The following CEP192 variants were observed in gnomAD, a reference collection of about 807,000 sequenced individuals.
The protein encoded by CEP192 is centrosomal protein of 192 kDa.
Under a neutral mutation model 271.8 loss-of-function variants are expected in CEP192, and 151 were observed. The observed-to-expected ratio is 0.56, with a 90% CI of 0.49 to 0.64. CEP192 has a LOEUF of 0.64. CEP192 is among the 30% of genes least tolerant of loss of function. The probability of loss-of-function intolerance (pLI) is 0.00; values close to 1 mark genes in which losing one functional copy is unlikely to be tolerated. For missense variants in CEP192, 2,910 were observed against 3,020.5 expected, an observed-to-expected ratio of 0.96 and a Z score of 0.86; for synonymous variants, 995 against 1,076.5, an observed-to-expected ratio of 0.92 and a Z score of 1.48.
At chr18:13,116,020 C>T (rs1219564346) in intron 42 of CEP192, among the ~76,000 whole-genome samples, 2 of 152,318 alleles carry the variant, frequency 1.3e-5, no homozygotes, top group African/African-American at 4.8e-5. Flanking sequence ...ACACCTGCAT[C>T]AGGCACTTGG....
chr18:13,095,384 A>T, intron 34 of CEP192, 119 bp from the exon 35 acceptor site: 2 of 779,466 alleles, frequency 2.6e-6, no homozygotes, highest in Middle Eastern at 3.4e-4. Flanking sequence ...ACTTTGTCTT[A>T]ATGTTTTTAG....
chr18:13,007,890 C>T (rs768482784), intron 3 of CEP192, among the ~76,000 whole-genome samples: 3 of 152,286 alleles, frequency 2.0e-5, no homozygotes, highest in African/African-American at 4.8e-5. Flanking sequence ...CCTGAAGTTC[C>T]GTTCCCACCC....
At chr18:13,087,765 A>C (rs1397976981) in intron 32 of CEP192, 119 bp downstream of exon 32, 5 of 441,480 alleles carry the variant, frequency 1.1e-5, no homozygotes, top group Non-Finnish European at 2.0e-5. Flanking sequence ...CTGGTAGATG[A>C]AAAATCTTGG....
At chr18:13,094,133 G>A (rs692964) in intron 34 of CEP192, among the ~76,000 whole-genome samples, 109,029 of 152,084 alleles carry the variant, frequency 0.72, 40,609 homozygotes, top group African/African-American at 0.93. Flanking sequence ...GCAGTGTACA[G>A]TGCTGATTTG....
intron 19 of CEP192, 105 bp from the exon 20 acceptor site, chr18:13,057,480 G>A: frequency 7.7e-7 from 1 of 1,301,788 alleles, no homozygotes. Context: ...CTCTAGCTCT[G>A]TGTAAACAGG....
At chr18:13,004,679 T>A (rs2033869792) in intron 3 of CEP192, among the ~76,000 whole-genome samples, 1 of 152,108 alleles carries the variant, frequency 6.6e-6, no homozygotes, top group South Asian at 2.1e-4. Flanking sequence ...AATTATCACA[T>A]GGGACCACAG....
intron 44 of CEP192, among the ~76,000 whole-genome samples, chr18:13,121,716 G>T (rs2040668823): frequency 6.6e-6 from 1 of 152,128 alleles, no homozygotes; most frequent in Admixed American, 6.6e-5. Context: ...TCTAACCCCA[G>T]CTGAGGTGTT....
At chr18:13,050,575 CTT>C (rs1216786402) in intron 17 of CEP192, among the ~76,000 whole-genome samples, 1 of 144,464 alleles carries the variant, frequency 6.9e-6, no homozygotes, top group Admixed American at 6.9e-5. Context: ...TAGTTAATTG[CTT>C]TTTTTTTTTT....
At chr18:13,060,729 C>A (rs2037364703) in intron 21 of CEP192, among the ~76,000 whole-genome samples, 1 of 151,934 alleles carries the variant, frequency 6.6e-6, no homozygotes, top group African/African-American at 2.4e-5. Flanking sequence ...TCGAGACCAG[C>A]CTGGACAACA....
At chr18:13,061,795 C>T (rs554935435) in intron 21 of CEP192, among the ~76,000 whole-genome samples, 5 of 152,166 alleles carry the variant, frequency 3.3e-5, no homozygotes, top group East Asian at 1.9e-4. Context: ...TGTTTAGCAG[C>T]GGCCCTGGCC....
intron 9 of CEP192, among the ~76,000 whole-genome samples, chr18:13,022,466 C>T (rs902852856): frequency 6.6e-6 from 1 of 152,064 alleles, no homozygotes; most frequent in Non-Finnish European, 1.5e-5. Flanking sequence ...CTGCAACCTC[C>T]ACCTTCTGGG....
At chr18:13,025,418 T>C (rs539770765) in intron 9 of CEP192, among the ~76,000 whole-genome samples, 1 of 152,086 alleles carries the variant, frequency 6.6e-6, no homozygotes, top group African/African-American at 2.4e-5. Context: ...GGTCTTGCTA[T>C]GTTGCCCAGT....
rs757371578 is a variant in CEP192, at chr18:13,056,630, T to C, written c.4040T>C (p.Phe1347Ser). Residue 1347 changes from phenylalanine to serine, a missense_variant, in exon 19 of 45, where the codon TTT becomes TCT. Physicochemically the swap from Phe to Ser is radical, Grantham distance 155. Transcript: ENST00000506447. Reference protein sequence around the residue: ...NQNLLSTTKPFPVPSVGTNCG... With the variant: ...NQNLLSTTKPSPVPSVGTNCG... ...AACCTGCTAAGCACAACAAAACCTTTTCCTGTGCCGTCTGTTGGTACAAAC... is the reference window on the plus strand; with the variant it reads ...AACCTGCTAAGCACAACAAAACCTTCTCCTGTGCCGTCTGTTGGTACAAAC... 7 of 1,614,002 alleles carry C rather than the reference T, an allele frequency of 4.3e-6. No homozygotes were observed. The highest frequency in any genetic ancestry group is 5.9e-6 in the Non-Finnish European group (7 of 1,179,970).
chr18:13,009,653 C>A (rs2034211269), intron 4 of CEP192, among the ~76,000 whole-genome samples: 1 of 151,894 alleles, frequency 6.6e-6, no homozygotes, highest in African/African-American at 2.4e-5. Flanking sequence ...GCCAACATGG[C>A]GAAACCCTGT....
intron 21 of CEP192, among the ~76,000 whole-genome samples, chr18:13,067,586 G>A (rs2037779357): frequency 6.6e-6 from 1 of 152,210 alleles, no homozygotes; most frequent in Non-Finnish European, 1.5e-5. Context: ...TTAAGATACA[G>A]TCTTTTCAAA....
At chr18:13,011,798 G>T (rs1486523107) in intron 4 of CEP192, among the ~76,000 whole-genome samples, 1 of 152,194 alleles carries the variant, frequency 6.6e-6, no homozygotes. Flanking sequence ...AGAGTGCTGG[G>T]ATTACAGGCA....
At position 13,049,396 on chromosome 18, in the gene CEP192, A is replaced by T; in HGVS notation, c.2605A>T (p.Asn869Tyr). Residue 869 changes from asparagine (N) to tyrosine (Y), a missense_variant, in exon 16 of 45, where the codon AAT becomes TAT. Coordinates refer to ENST00000506447, the MANE Select transcript of CEP192 (RefSeq NM_032142.4). Reference sequence around the variant, plus strand: ...CATAAACTCCTCAAATTCAGTTACAAATAGAGAGAATAACAGTGCAGTAGT... The same window carrying T: ...CATAAACTCCTCAAATTCAGTTACATATAGAGAGAATAACAGTGCAGTAGT... The part of the protein sequence containing the change: ...RTINSSNSVT[N>Y]RENNSAVVDV... 1 of 1,614,134 alleles carries T rather than the reference A, an allele frequency of 6.2e-7. No homozygotes were observed. Among genetic ancestry groups the T allele is most frequent in the Middle Eastern group, 1.6e-4 (1 of 6,062 alleles).
chr18:13,049,409 A>G lies in CEP192; in HGVS notation c.2618A>G (p.Asn873Ser), dbSNP rs2036652797. 1 of 1,614,058 alleles carries G rather than the reference A, an allele frequency of 6.2e-7. No individual in the cohort carries two copies. Among genetic ancestry groups the G allele is most frequent in the Non-Finnish European group, 8.5e-7 (1 of 1,180,028 alleles). Residue 873 changes from asparagine (N) to serine (S), a missense_variant, in exon 16 of 45, where the codon AAC (asparagine) becomes AGC (serine). Asn to Ser is a conservative substitution (Grantham distance 46). Coordinates refer to ENST00000506447, the MANE Select transcript of CEP192 (RefSeq NM_032142.4). ...AATTCAGTTACAAATAGAGAGAATA[A>G]CAGTGCAGTAGTTGATGTGAAGACA... ...SSNSVTNREN[N>S]SAVVDVKTCS...
chr18:13,026,103 G>T (rs990091225), intron 9 of CEP192, among the ~76,000 whole-genome samples: 2 of 152,180 alleles, frequency 1.3e-5, no homozygotes, highest in African/African-American at 2.4e-5. Context: ...TCCCTTTCAT[G>T]TTTGAAGGAT....
Sources: gnomAD v4.1 joint callset for allele counts (sites outside exome capture counted in the v4.1 genomes callset) on GRCh38, gnomAD v4.1.1 for gene constraint, MANE v1.5 for transcripts, NCBI Gene and HGNC (gene_info 2026-07-23, HGNC 2026-07-21) for gene names.